LRRC37A2: variants seen among roughly 807,000 people sequenced by gnomAD.
LRRC37A2 encodes the protein leucine rich repeat containing 37 member A2.
A neutral mutation model predicts 68.8 loss-of-function variants in LRRC37A2; 9 were observed. The ratio of observed to expected loss-of-function variants is 0.13; its 90% CI spans 0.08 to 0.23. The LOEUF (loss-of-function observed/expected upper bound fraction) is 0.23. LRRC37A2 is among the 10% of genes least tolerant of loss of function. The pLI, the probability that LRRC37A2 is intolerant of heterozygous loss-of-function variation, is 1.00. For missense variants in LRRC37A2, 168 were observed against 950.4 expected, an observed-to-expected ratio of 0.18 and a Z score of 10.82; for synonymous variants, 63 against 367.6, an observed-to-expected ratio of 0.17 and a Z score of 9.48.
the LRRC37A2 span, among the ~76,000 whole-genome samples, chr17:46,418,215 T>TTTG: frequency 3.0e-4 from 19 of 62,628 alleles, no homozygotes; most frequent in African/African-American, 7.1e-4. Context: ...GTGTGTGTGT[T>TTTG]TGTGTGTGTG....
chr17:46,981,715 TTTTTA>T, the LRRC37A2 span, among the ~76,000 whole-genome samples: 3 of 152,158 alleles, frequency 2.0e-5, no homozygotes, highest in East Asian at 1.9e-4. Context: ...TATTTATTTA[TTTTTA>T]TTTTGAGACA....
the LRRC37A2 span, chr17:46,938,635 C>T: frequency 1.2e-6 from 2 of 1,614,134 alleles, no homozygotes; most frequent in South Asian, 2.2e-5. Context: ...TGCCAACATG[C>T]TGGGCTTGTC....
the LRRC37A2 span, chr17:46,936,321 G>A: frequency 1.0e-6 from 1 of 985,358 alleles, no homozygotes; most frequent in Non-Finnish European, 1.2e-6. Context: ...GCCAGTGGGG[G>A]TTAGAGCGTC....
the LRRC37A2 span, chr17:46,721,617 C>G: frequency 6.3e-7 from 1 of 1,584,060 alleles, no homozygotes; most frequent in South Asian, 1.1e-5. Context: ...AAATTAACAT[C>G]CTTGCCCGTG....
intron 6 of LRRC37A2, among the ~76,000 whole-genome samples, chr17:46,530,389 A>G (rs1449129575): frequency 6.9e-6 from 1 of 144,974 alleles, no homozygotes; most frequent in Non-Finnish European, 1.5e-5. Context: ...TCTTTGTAAC[A>G]TCATCTTATT....
At chr17:46,943,221 G>T in the LRRC37A2 span, among the ~76,000 whole-genome samples, 1 of 152,160 alleles carries the variant, frequency 6.6e-6, no homozygotes, top group Non-Finnish European at 1.5e-5. Flanking sequence ...AGGGATGGAA[G>T]CCTGATTCTC....
chr17:46,769,043 T>C, the LRRC37A2 span, among the ~76,000 whole-genome samples: 2 of 152,200 alleles, frequency 1.3e-5, no homozygotes, highest in Admixed American at 1.3e-4. Context: ...ATACGAGTTG[T>C]TGCCCAGGCG....
At chr17:46,496,306 T>G in the LRRC37A2 span, among the ~76,000 whole-genome samples, 5 of 144,790 alleles carry the variant, frequency 3.5e-5, no homozygotes, top group Non-Finnish European at 6.0e-5. Context: ...AATCATTATA[T>G]TAAAAACCAT....
chr17:46,895,746 C>G, the LRRC37A2 span, among the ~76,000 whole-genome samples: 1 of 152,236 alleles, frequency 6.6e-6, no homozygotes, highest in African/African-American at 2.4e-5. Flanking sequence ...AGCTTCCCCA[C>G]GGCTCTGTGC....
the LRRC37A2 span, among the ~76,000 whole-genome samples, chr17:46,882,131 G>A: frequency 6.6e-6 from 1 of 152,268 alleles, no homozygotes; most frequent in East Asian, 1.9e-4. Flanking sequence ...CTTCCAGCCT[G>A]AGCGACAGAG....
chr17:46,978,919 T>C, the LRRC37A2 span: 7 of 1,464,864 alleles, frequency 4.8e-6, no homozygotes, highest in Non-Finnish European at 6.3e-6. Flanking sequence ...GCCCAGCCCG[T>C]GGGTGCGGTT....
the LRRC37A2 span, among the ~76,000 whole-genome samples, chr17:47,014,046 T>A: frequency 6.6e-6 from 1 of 151,728 alleles, no homozygotes; most frequent in East Asian, 1.9e-4. Flanking sequence ...TGAGCCCAGA[T>A]CATGCCATTG....
the LRRC37A2 span, among the ~76,000 whole-genome samples, chr17:46,959,505 G>T: frequency 6.6e-6 from 1 of 152,034 alleles, no homozygotes; most frequent in Non-Finnish European, 1.5e-5. Flanking sequence ...AAAGGAAAAG[G>T]TTCTTCTGGG....
intron 6 of LRRC37A2, among the ~76,000 whole-genome samples, chr17:46,528,177 CT>C (rs1462745549): frequency 9.3e-6 from 1 of 107,552 alleles, no homozygotes; most frequent in Non-Finnish European, 1.9e-5. Context: ...GACATGATGG[CT>C]GAGCACCGGC....
At chr17:46,480,030 C>T in the LRRC37A2 span, among the ~76,000 whole-genome samples, 1 of 105,528 alleles carries the variant, frequency 9.5e-6, no homozygotes. Context: ...CTCACTCTGT[C>T]GCCCGGGCTG....
At chr17:46,818,138 G>C in the LRRC37A2 span, among the ~76,000 whole-genome samples, 1 of 152,072 alleles carries the variant, frequency 6.6e-6, no homozygotes, top group African/African-American at 2.4e-5. Context: ...CCCCAAAATG[G>C]AGAAGAGGAG....
At chr17:47,015,843 G>A in the LRRC37A2 span, among the ~76,000 whole-genome samples, 2 of 152,042 alleles carry the variant, frequency 1.3e-5, no homozygotes, top group Non-Finnish European at 2.9e-5. Context: ...CTAGCTTCCT[G>A]TGAAATGTGA....
chr17:46,923,593 C>G, the LRRC37A2 span: 1 of 1,292,562 alleles, frequency 7.7e-7, no homozygotes, highest in South Asian at 2.9e-5. Flanking sequence ...GAGACACGGC[C>G]CCTGGCCGTA....
chr17:46,970,151 G>A, the LRRC37A2 span, among the ~76,000 whole-genome samples: 2 of 152,172 alleles, frequency 1.3e-5, no homozygotes, highest in South Asian at 2.1e-4. Flanking sequence ...ATCAGTAAAT[G>A]TGGTTCCATC....
Sources: gnomAD v4.1 joint callset for allele counts (sites outside exome capture counted in the v4.1 genomes callset) on GRCh38, gnomAD v4.1.1 for gene constraint, MANE v1.5 for transcripts, NCBI Gene and HGNC (gene_info 2026-07-23, HGNC 2026-07-21) for gene names.